LINGO2: variants seen among roughly 807,000 people sequenced by gnomAD.
LINGO2 encodes the protein leucine-rich repeat and immunoglobulin-like domain-containing nogo receptor-interacting protein 2.
LINGO2 carries 14 observed loss-of-function variants against 30.6 expected under a neutral mutation model. That is an observed-to-expected ratio of 0.46 (90% CI 0.30 to 0.72). LINGO2 has a LOEUF of 0.72. Ranked by LOEUF, LINGO2 falls within the 30% of genes least tolerant of loss-of-function variation. The pLI, the probability that LINGO2 is intolerant of heterozygous loss-of-function variation, is 0.07. For synonymous variants in LINGO2, 317 were observed against 288.5 expected (o/e 1.10, Z -1.00); for missense variants, 729 against 751.7 (o/e 0.97, Z 0.35).
chr9:28,895,381 C>A, the LINGO2 span, among the ~76,000 whole-genome samples: 1 of 152,196 alleles, frequency 6.6e-6, no homozygotes, highest in Admixed American at 6.5e-5. Flanking sequence ...CAAAAGATTG[C>A]AAAAACTGCA....
chr9:28,048,039 AAAG>A (rs1244130941), intron 4 of LINGO2, among the ~76,000 whole-genome samples: 2 of 150,964 alleles, frequency 1.3e-5, no homozygotes, highest in African/African-American at 4.9e-5. Context: ...TTAAACTTAC[AAAG>A]AAGTTTTAGA....
At chr9:28,231,268 T>C (rs1821345433) in intron 4 of LINGO2, among the ~76,000 whole-genome samples, 1 of 151,994 alleles carries the variant, frequency 6.6e-6, no homozygotes, top group Non-Finnish European at 1.5e-5. Flanking sequence ...GAGTTCATAA[T>C]ATATGCCTAA....
At chr9:28,784,009 T>G in the LINGO2 span, among the ~76,000 whole-genome samples, 1 of 152,240 alleles carries the variant, frequency 6.6e-6, no homozygotes, top group Non-Finnish European at 1.5e-5. Context: ...CTAATTATCT[T>G]CGAAAGTCCC....
chr9:27,959,279 T>G (rs970675749), intron 5 of LINGO2, among the ~76,000 whole-genome samples: 1 of 152,122 alleles, frequency 6.6e-6, no homozygotes, highest in Non-Finnish European at 1.5e-5. Flanking sequence ...TCTGTTCTTA[T>G]CCTTATTATT....
At chr9:29,160,920 C>T in the LINGO2 span, among the ~76,000 whole-genome samples, 1 of 152,196 alleles carries the variant, frequency 6.6e-6, no homozygotes, top group Admixed American at 6.5e-5. Flanking sequence ...AGTCTCTGAG[C>T]CACTATTGTC....
chr9:28,027,947 C>T (rs1389700800), intron 4 of LINGO2, among the ~76,000 whole-genome samples: 2 of 151,910 alleles, frequency 1.3e-5, no homozygotes, highest in Non-Finnish European at 2.9e-5. Context: ...TGGGCCATAT[C>T]CAATTAAAGA....
chr9:28,551,759 C>T (rs1221800777), intron 1 of LINGO2, among the ~76,000 whole-genome samples: 1 of 152,010 alleles, frequency 6.6e-6, no homozygotes, highest in African/African-American at 2.4e-5. Context: ...TGTATATTGA[C>T]ATTCTATTTT....
At chr9:29,096,566 G>A in the LINGO2 span, among the ~76,000 whole-genome samples, 5 of 140,348 alleles carry the variant, frequency 3.6e-5, 2 homozygotes, top group African/African-American at 5.3e-5. Context: ...GATTACAGGC[G>A]TGAGCCACCA....
the LINGO2 span, among the ~76,000 whole-genome samples, chr9:29,186,752 C>T: frequency 1.3e-5 from 2 of 151,828 alleles, no homozygotes; most frequent in Non-Finnish European, 2.9e-5. Flanking sequence ...TTGTCTGCAT[C>T]CTGGCTTCAC....
chr9:28,379,461 T>C (rs1810613034), intron 2 of LINGO2, among the ~76,000 whole-genome samples: 2 of 152,106 alleles, frequency 1.3e-5, no homozygotes, highest in African/African-American at 4.8e-5. Context: ...TCTGCTCCAA[T>C]TGGTTATCTA....
At chr9:28,366,254 C>G (rs1425633008) in intron 3 of LINGO2, among the ~76,000 whole-genome samples, 1 of 152,148 alleles carries the variant, frequency 6.6e-6, no homozygotes, top group Non-Finnish European at 1.5e-5. Flanking sequence ...TGGAACATTA[C>G]TTAGTTTACT....
the LINGO2 span, among the ~76,000 whole-genome samples, chr9:28,685,381 C>T: frequency 3.3e-5 from 5 of 152,116 alleles, no homozygotes; most frequent in East Asian, 5.8e-4. Flanking sequence ...CAGTAGTTGA[C>T]AGCTGTATTT....
chr9:28,146,885 T>A (rs1487478347), intron 4 of LINGO2, among the ~76,000 whole-genome samples: 1 of 152,234 alleles, frequency 6.6e-6, no homozygotes, highest in East Asian at 1.9e-4. Flanking sequence ...CCAGAGAAAC[T>A]GACTTTTATC....
chr9:28,281,502 G>A (rs980299584), intron 4 of LINGO2, among the ~76,000 whole-genome samples: 2 of 151,672 alleles, frequency 1.3e-5, no homozygotes, highest in African/African-American at 4.8e-5. Flanking sequence ...CACATATAAG[G>A]GGATATAACG....
At chr9:28,870,359 T>C in the LINGO2 span, among the ~76,000 whole-genome samples, 1 of 152,098 alleles carries the variant, frequency 6.6e-6, no homozygotes. Flanking sequence ...TTCATGATTG[T>C]GAACATAAAA....
At chr9:28,959,643 C>CAG in the LINGO2 span, among the ~76,000 whole-genome samples, 1,301 of 150,306 alleles carry the variant, frequency 8.7e-3, 15 homozygotes, top group African/African-American at 0.029. Flanking sequence ...CACACACACA[C>CAG]ACAGAGAACA....
intron 1 of LINGO2, among the ~76,000 whole-genome samples, chr9:28,501,591 T>C (rs565092841): frequency 1.3e-5 from 2 of 152,136 alleles, no homozygotes; most frequent in Non-Finnish European, 2.9e-5. Flanking sequence ...ATTTCCCTAG[T>C]AAAAGCCAGA....
intron 4 of LINGO2, among the ~76,000 whole-genome samples, chr9:28,196,641 G>T (rs1820023764): frequency 6.6e-6 from 1 of 151,916 alleles, no homozygotes; most frequent in Non-Finnish European, 1.5e-5. Context: ...TAGATAGGAA[G>T]ATTCAAGATT....
rs530679588 is a variant in LINGO2 at position 27,977,784 on chromosome 9, G to A, written c.-35-27078C>T. On this transcript the variant is annotated intron_variant, in intron 5 of 5. Transcript: ENST00000379992. Reference sequence around the variant, plus strand: ...CTCACGTTGGCAAAATGCTTCCCAGGGGAAAGAAAAAAAAAAAGGAAGAGA... The same window carrying A: ...CTCACGTTGGCAAAATGCTTCCCAGAGGAAAGAAAAAAAAAAAGGAAGAGA... 5.3e-5 allele frequency among the ~76,000 whole-genome samples: 8 copies of A among 150,656 alleles called. No homozygotes were observed. The South Asian group carries it at 6.3e-4, about 12-fold the overall frequency.
Sources: gnomAD v4.1 joint callset for allele counts (sites outside exome capture counted in the v4.1 genomes callset) on GRCh38, gnomAD v4.1.1 for gene constraint, MANE v1.5 for transcripts, NCBI Gene and HGNC (gene_info 2026-07-23, HGNC 2026-07-21) for gene names.